NPR2: variants seen among roughly 807,000 people sequenced by gnomAD.
NPR2 encodes natriuretic peptide receptor 2, also known as atrial natriuretic peptide receptor 2.
Under a neutral mutation model 120.7 loss-of-function variants are expected in NPR2, and 49 were observed. The observed-to-expected ratio is 0.41, with a 90% confidence interval of 0.32 to 0.52. The LOEUF is 0.52. NPR2 is among the 20% of genes least tolerant of loss of function. The pLI, the probability that NPR2 is intolerant of heterozygous loss-of-function variation, is 0.36. For missense variants in NPR2, 931 were observed against 1,362.9 expected, an observed-to-expected ratio of 0.68 and a Z score of 4.99; for synonymous variants, 484 against 519.8, an observed-to-expected ratio of 0.93 and a Z score of 0.94.
chr9:35,792,527 G>T lies in NPR2; in HGVS notation c.119G>T (p.Trp40Leu). The change falls in exon 1 of 22, where the codon TGG becomes TTG. Residue 40 changes from tryptophan (W) to leucine (L), a missense_variant. This residue lies in a region of NPR2 where 681 missense variants were observed against 974.3 expected (regional missense o/e 0.70). Coordinates refer to ENST00000342694, the MANE Select transcript of NPR2 (RefSeq NM_003995.4). The stretch of plus-strand genomic sequence containing the variant: ...CCAGAACACAACCTGAGCTATGCCT[G>T]GGCCTGGCCACGGGTGGGACCCGCT... Reference protein sequence around the residue: ...VLPEHNLSYAWAWPRVGPAVA... With the variant: ...VLPEHNLSYALAWPRVGPAVA... The T allele has an allele frequency of 6.2e-7, 1 of 1,610,904 alleles. No individual in the cohort carries two copies. The highest frequency in any genetic ancestry group is 8.5e-7 in the Non-Finnish European group (1 of 1,179,948).
Position 35,808,832 on chromosome 9 carries a change from C to A in NPR2, c.2965C>A (p.Arg989=). The change falls in exon 20 of 22, where the codon CGA becomes AGA. Residue 989 remains arginine (R), a synonymous_variant. Transcript: ENST00000342694. The surrounding 1 kb of genome is among the most constrained non-coding windows in gnomAD (Gnocchi z 4.0). ...TGGAGACACAGTGAACACTGCTTCT[C>A]GAATGGAGTCTAATGGTCAAGGTAA... ...LFGDTVNTAS[R]MESNGQALKI... 1 of 1,606,876 alleles carries A rather than the reference C, an allele frequency of 6.2e-7. No homozygotes were observed. The highest frequency in any genetic ancestry group is 1.1e-5 in the South Asian group (1 of 90,894).
At chr9:35,797,394 C>A (rs1827976463) in intron 2 of NPR2, among the ~76,000 whole-genome samples, 1 of 152,204 alleles carries the variant, frequency 6.6e-6, no homozygotes, top group East Asian at 1.9e-4. Flanking sequence ...ACATGACCAG[C>A]ATGAGATTGG....
rs149416695 is a variant in NPR2, at chr9:35,806,204, G to C, written c.2343G>C (p.Gln781His). The C allele has an allele frequency of 6.2e-7, 1 of 1,614,234 alleles. No individual in the cohort carries two copies. Among genetic ancestry groups the C allele is most frequent in the South Asian group, 1.1e-5 (1 of 91,086 alleles). Residue 781 changes from glutamine (Q) to histidine (H), a missense_variant, in exon 15 of 22, where the codon CAG becomes CAC. Gln to His is a conservative substitution (Grantham distance 24). Coordinates refer to ENST00000342694, the MANE Select transcript of NPR2 (RefSeq NM_003995.4). This position sits in a 1 kb window ranked among gnomAD's most constrained non-coding sequence, Gnocchi z 4.6. ...QDPAERPDFG[Q>H]IKGFIRRFNK... is the part of the protein sequence containing the mutation. The stretch of plus-strand genomic sequence containing the variant: ...CAGCTGAGCGGCCAGACTTTGGACA[G>C]ATTAAGGGCTTCATTCGGCGCTTTA...
Position 35,805,689 on chromosome 9 carries a change from A to G in NPR2, c.2047+19A>G. The G allele has an allele frequency of 4.3e-6, 7 of 1,613,820 alleles. No individual in the cohort carries two copies. Among genetic ancestry groups the G allele is most frequent in the Non-Finnish European group, 5.9e-6 (7 of 1,179,966 alleles). ...TATGCCAGTGAGGCCCACCCCCACA[A>G]CCCACTTTTTATATTGCTCCTCTTT... On this transcript the variant is annotated intron_variant, in intron 13 of 21. Transcript: ENST00000342694. This position sits in a 1 kb window ranked among gnomAD's most constrained non-coding sequence, Gnocchi z 4.9.
At chr9:35,799,146 G>A (rs1828042684) in intron 2 of NPR2, among the ~76,000 whole-genome samples, 1 of 152,200 alleles carries the variant, frequency 6.6e-6, no homozygotes, top group Non-Finnish European at 1.5e-5. Context: ...TTTTACTGAT[G>A]ACATTAACAG....
chr9:35,802,971 G>T lies in NPR2; in HGVS notation c.1887+168G>T, dbSNP rs988643018. The stretch of plus-strand genomic sequence containing the variant: ...CAAGGAGTCTGGGGCTTATAACTGG[G>T]ACAGTGAGTTTTACCTGCCACAAGG... On this transcript the variant is annotated intron_variant, in intron 12 of 21. Coordinates refer to ENST00000342694, the MANE Select transcript of NPR2 (RefSeq NM_003995.4). The surrounding 1 kb of genome is among the most constrained non-coding windows in gnomAD (Gnocchi z 4.2). Among the ~76,000 whole-genome samples, 4 of 152,150 alleles carry T rather than the reference G, an allele frequency of 2.6e-5. No homozygotes were observed. The highest frequency in any genetic ancestry group is 5.9e-5 in the Non-Finnish European group (4 of 68,032).
chr9:35,800,895 G>A lies in NPR2; in HGVS notation c.1351+54G>A. 6.2e-7 allele frequency: 1 copy of A among 1,611,878 alleles called. No homozygotes were observed. Among genetic ancestry groups the A allele is most frequent in the African/African-American group, 1.3e-5 (1 of 74,954 alleles). ...TTTCCTCCCTTTGCTTTCCATTCAT[G>A]GCCTCCACCCTCACTGACCCTCCAC... On this transcript the variant is annotated intron_variant, in intron 6 of 21. Coordinates refer to ENST00000342694, the MANE Select transcript of NPR2 (RefSeq NM_003995.4). The surrounding 1 kb of genome is among the most constrained non-coding windows in gnomAD (Gnocchi z 4.7).
Position 35,794,207 on chromosome 9 carries a change from T to A in NPR2, c.873+104T>A. The stretch of plus-strand genomic sequence containing the variant: ...AACCCTAGGAACCAGGCAGGAATTG[T>A]GAGCCACAGGAGTAAAATGAACAGA... On this transcript the variant is annotated intron_variant, in intron 2 of 21. Transcript: ENST00000342694. The A allele has an allele frequency of 2.8e-6, 3 of 1,090,346 alleles. No homozygotes were observed. In the South Asian group the frequency reaches 4.8e-5, roughly 17 times the overall value. The allele number at this position is 1,090,346 out of a possible 1,614,324, so 67.5% of individuals were successfully genotyped here.
At chr9:35,798,970 G>A (rs771646757) in intron 2 of NPR2, among the ~76,000 whole-genome samples, 2 of 152,240 alleles carry the variant, frequency 1.3e-5, no homozygotes, top group Non-Finnish European at 1.5e-5. Context: ...GCAGGACAGT[G>A]CTGTTTGTGG....
chr9:35,802,815 C>G lies in NPR2; in HGVS notation c.1887+12C>G. On this transcript the variant is annotated intron_variant, in intron 12 of 21. Transcript: ENST00000342694. This position sits in a 1 kb window ranked among gnomAD's most constrained non-coding sequence, Gnocchi z 4.2. The stretch of plus-strand genomic sequence containing the variant: ...ATGACCTTGTTAAGGTGAGTCTTCC[C>G]CACTCCTTAAAAGTTCATCCACTTT... 3 of 1,566,754 alleles carry G rather than the reference C, an allele frequency of 1.9e-6. No homozygotes were observed. The highest frequency in any genetic ancestry group is 2.2e-5 in the South Asian group (2 of 90,116).
chr9:35,804,269 T>TGAA (rs1828282704), intron 12 of NPR2, among the ~76,000 whole-genome samples: 1 of 151,538 alleles, frequency 6.6e-6, no homozygotes, highest in Non-Finnish European at 1.5e-5. Context: ...GGTCTTATTC[T>TGAA]GTCACCCAGG....
Position 35,801,164 on chromosome 9 carries a change from G to A in NPR2, c.1436+10G>A, listed in dbSNP as rs762910349. ...GCTTCCTAATTTTCCGGTGAGTTCT[G>A]GGTTTCTTGCTGACCTACTCCCTGC... On this transcript the variant is annotated intron_variant, in intron 7 of 21. Transcript: ENST00000342694. 1.1e-5 allele frequency: 17 copies of A among 1,607,716 alleles called. No individual in the cohort carries two copies. Among genetic ancestry groups the A allele is most frequent in the East Asian group, 2.2e-5 (1 of 44,856 alleles).
chr9:35,807,422 A>G, intron 18 of NPR2, 24 bp downstream of exon 18: 1 of 1,571,090 alleles, frequency 6.4e-7, no homozygotes, highest in Non-Finnish European at 8.8e-7. Context: ...CCGCTGTTCA[A>G]TAGAAGACCC....
chr9:35,803,264 C>T lies in NPR2; in HGVS notation c.1887+461C>T, dbSNP rs1428717989. ...GACTACAGGCGCCCGCCACTACGCCCGGCTAATTTTTTTGTATTTTTAGTA... is the reference window on the plus strand; with the variant it reads ...GACTACAGGCGCCCGCCACTACGCCTGGCTAATTTTTTTGTATTTTTAGTA... On this transcript the variant is annotated intron_variant, in intron 12 of 21. Coordinates refer to ENST00000342694, the MANE Select transcript of NPR2 (RefSeq NM_003995.4). Among the ~76,000 whole-genome samples, 13 of 130,568 alleles carry T rather than the reference C, an allele frequency of 1.0e-4. 2 individuals carry two copies. Among genetic ancestry groups the T allele is most frequent in the East Asian group, 2.4e-4 (1 of 4,210 alleles). The allele number at this position is 130,568 out of a possible 152,430, so 85.7% of individuals were successfully genotyped here.
At chr9:35,799,061 T>A (rs1175305321) in intron 2 of NPR2, among the ~76,000 whole-genome samples, 1 of 152,208 alleles carries the variant, frequency 6.6e-6, no homozygotes, top group Non-Finnish European at 1.5e-5. Context: ...CCCTCAGTTG[T>A]CATAGGGCCT....
In NPR2 at chr9:35,809,384, A is replaced by G; in HGVS notation, c.3083A>G (p.Lys1028Arg). Residue 1028 changes from lysine to arginine, a missense_variant, in exon 22 of 22, where the codon AAA (lysine) becomes AGA (arginine). This residue lies in a region of NPR2 where 184 missense variants were observed against 328.3 expected (regional missense o/e 0.56). Coordinates refer to ENST00000342694, the MANE Select transcript of NPR2 (RefSeq NM_003995.4). This position sits in a 1 kb window ranked among gnomAD's most constrained non-coding sequence, Gnocchi z 4.1. ...ELRGDVEMKG[K>R]GKMRTYWLLG... ...TGTCCACTCTCCCACTTCCAGGGAA[A>G]AGGAAAGATGCGAACATACTGGCTC... 1 of 1,614,176 alleles carries G rather than the reference A, an allele frequency of 6.2e-7. No individual in the cohort carries two copies. The highest frequency in any genetic ancestry group is 2.2e-5 in the East Asian group (1 of 44,886).
At chr9:35,801,237 G>A in intron 7 of NPR2, 83 bp downstream of exon 7, 2 of 964,706 alleles carry the variant, frequency 2.1e-6, no homozygotes, top group East Asian at 2.4e-5. Flanking sequence ...TCCCTATAAT[G>A]TGGGATAGGG....
At chr9:35,804,643 A>G (rs1053323890) in intron 12 of NPR2, among the ~76,000 whole-genome samples, 3 of 152,164 alleles carry the variant, frequency 2.0e-5, no homozygotes, top group African/African-American at 7.2e-5. Flanking sequence ...TCCATTTTCC[A>G]GGTTTATGAT....
At chr9:35,795,687 C>G (rs1827925532) in intron 2 of NPR2, among the ~76,000 whole-genome samples, 2 of 152,170 alleles carry the variant, frequency 1.3e-5, no homozygotes, top group Non-Finnish European at 1.5e-5. Flanking sequence ...TAATGTTTTC[C>G]TAAAACAATC....
Sources: allele counts gnomAD v4.1 joint callset (sites outside exome capture counted in the v4.1 genomes callset), GRCh38; gene constraint gnomAD v4.1.1; regional missense constraint gnomAD v4.1.1; non-coding constraint Gnocchi (gnomAD v3.1); transcripts MANE v1.5; gene names NCBI Gene and HGNC (gene_info 2026-07-23, HGNC 2026-07-21).